The following CACNB4 variants were observed in gnomAD, a reference collection of about 807,000 sequenced individuals.
CACNB4 encodes the protein calcium voltage-gated channel auxiliary subunit beta 4.
A neutral mutation model predicts 71.2 loss-of-function variants in CACNB4; 32 were observed. That is an observed-to-expected ratio of 0.45 (90% CI 0.34 to 0.60). The LOEUF is 0.60. Ranked by LOEUF, CACNB4 falls within the 20% of genes least tolerant of loss-of-function variation. The probability of loss-of-function intolerance (pLI) is 0.01; values close to 1 mark genes in which losing one functional copy is unlikely to be tolerated. For missense variants in CACNB4, 464 were observed against 647.9 expected, an observed-to-expected ratio of 0.72 and a Z score of 3.08; for synonymous variants, 231 against 236.9, an observed-to-expected ratio of 0.97 and a Z score of 0.23.
intron 12 of CACNB4, chr2:151,851,442 T>C (rs572572357): frequency 1.3e-5 from 2 of 152,356 alleles, no homozygotes; most frequent in African/African-American, 4.8e-5. Flanking sequence ...CCTACTGAGA[T>C]AATGGTAAGG....
intron 2 of CACNB4, among the ~76,000 whole-genome samples, chr2:151,961,668 A>T (rs951236553): frequency 6.6e-6 from 1 of 152,098 alleles, no homozygotes; most frequent in Non-Finnish European, 1.5e-5. Context: ...AGGCAGGAGG[A>T]CTGCTTGAGC....
At chr2:151,950,317 G>GTT (rs2099866616) in intron 2 of CACNB4, among the ~76,000 whole-genome samples, 1 of 152,192 alleles carries the variant, frequency 6.6e-6, no homozygotes, top group African/African-American at 2.4e-5. Flanking sequence ...TATAGAGACA[G>GTT]TCATATGTCC....
intron 2 of CACNB4, among the ~76,000 whole-genome samples, chr2:152,085,463 A>C (rs1687605426): frequency 1.3e-5 from 2 of 152,312 alleles, no homozygotes; most frequent in South Asian, 4.1e-4. Context: ...AACTTCAGAC[A>C]GTGGAGGAAA....
At chr2:151,931,847 G>A (rs752599317) in intron 2 of CACNB4, among the ~76,000 whole-genome samples, 2 of 152,146 alleles carry the variant, frequency 1.3e-5, no homozygotes, top group African/African-American at 2.4e-5. Context: ...ATTTCCATTA[G>A]TAAGTTAACG....
At chr2:151,971,672 C>A in intron 2 of CACNB4, 1 of 699,808 alleles carries the variant, frequency 1.4e-6, no homozygotes, top group South Asian at 1.5e-5. Context: ...GCTCTGTTCA[C>A]ACCATCTTGG....
chr2:151,881,148 T>C (rs140470121), intron 3 of CACNB4, among the ~76,000 whole-genome samples: 248 of 152,334 alleles, frequency 1.6e-3, no homozygotes, highest in African/African-American at 5.7e-3. Context: ...TTTCCAATAT[T>C]CCAAATTTTA....
chr2:151,923,517 G>A (rs1009686829), intron 2 of CACNB4, among the ~76,000 whole-genome samples: 1 of 152,222 alleles, frequency 6.6e-6, no homozygotes, highest in Non-Finnish European at 1.5e-5. Flanking sequence ...TGCTGTTATA[G>A]AAACTAGGTG....
rs79463660 is a variant in CACNB4 at position 151,894,627 on chromosome 2, T to C, written c.148-11257A>G. Among the ~76,000 whole-genome samples the C allele has an allele frequency of 1.3e-3, 199 of 152,268 alleles. 3 individuals are homozygous for C. The East Asian group carries it at 0.037, about 28-fold the overall frequency. On this transcript the variant is annotated intron_variant, in intron 2 of 13. Transcript: ENST00000539935. Reference sequence around the variant, plus strand: ...AATCAGAAAGTCAAACTGTCCCTCTTTACAGACGACATGATCTTAAATATA... The same window carrying C: ...AATCAGAAAGTCAAACTGTCCCTCTCTACAGACGACATGATCTTAAATATA...
At chr2:151,966,227 G>T (rs2099871062) in intron 2 of CACNB4, among the ~76,000 whole-genome samples, 1 of 152,020 alleles carries the variant, frequency 6.6e-6, no homozygotes, top group African/African-American at 2.4e-5. Flanking sequence ...GTTAAGAAGT[G>T]GCAAAGACCA....
intron 2 of CACNB4, among the ~76,000 whole-genome samples, chr2:152,047,605 C>G (rs1478588427): frequency 6.6e-6 from 1 of 152,148 alleles, no homozygotes; most frequent in African/African-American, 2.4e-5. Context: ...TAAAACCCCT[C>G]AGTTGTAGCC....
At chr2:151,909,560 C>T (rs1230549976) in intron 2 of CACNB4, among the ~76,000 whole-genome samples, 2 of 151,854 alleles carry the variant, frequency 1.3e-5, no homozygotes, top group Admixed American at 6.6e-5. Context: ...CCTCTAAGAT[C>T]CCTCCCCTCA....
In CACNB4 at chr2:151,984,217, C is replaced by T. The variant is rs79957661; in HGVS notation, c.148-100847G>A. On this transcript the variant is annotated intron_variant, in intron 2 of 13. Coordinates refer to ENST00000539935, the MANE Select transcript of CACNB4 (RefSeq NM_000726.5). ...ATGCTTTGGAAATGTTGACATGCAACGAAAGAGATACTAACAAACACAAAC... is the reference window on the plus strand; with the variant it reads ...ATGCTTTGGAAATGTTGACATGCAATGAAAGAGATACTAACAAACACAAAC... 3.2e-3 allele frequency among the ~76,000 whole-genome samples: 492 copies of T among 152,144 alleles called. 19 individuals are homozygous for T. In the East Asian group the frequency reaches 0.071, roughly 22 times the overall value.
intron 2 of CACNB4, among the ~76,000 whole-genome samples, chr2:152,018,728 C>CG (rs1560136225): frequency 6.6e-6 from 1 of 151,508 alleles, no homozygotes; most frequent in African/African-American, 2.4e-5. Flanking sequence ...ACTTTGAGCC[C>CG]GGGAGAGCCA....
intron 13 of CACNB4, among the ~76,000 whole-genome samples, chr2:151,840,316 G>A (rs2099835844): frequency 6.6e-6 from 1 of 152,128 alleles, no homozygotes; most frequent in Non-Finnish European, 1.5e-5. Flanking sequence ...ATTGTTACTG[G>A]GAGAAGAAAT....
intron 12 of CACNB4, among the ~76,000 whole-genome samples, chr2:151,843,509 T>A (rs2099836768): frequency 6.6e-6 from 1 of 151,858 alleles, no homozygotes; most frequent in African/African-American, 2.4e-5. Context: ...AGAGATGAGA[T>A]CTCACCATGT....
chr2:151,987,272 G>T (rs115581485), intron 2 of CACNB4, among the ~76,000 whole-genome samples: 3,113 of 152,236 alleles, frequency 0.02, 104 homozygotes, highest in African/African-American at 0.07. Flanking sequence ...ACTTCAAAAC[G>T]TAAGTCTTAA....
chr2:152,044,828 A>G (rs754906732), intron 2 of CACNB4, among the ~76,000 whole-genome samples: 1 of 152,182 alleles, frequency 6.6e-6, no homozygotes. Context: ...CTCGTCTCCA[A>G]TAAGAGACCA....
intron 2 of CACNB4, among the ~76,000 whole-genome samples, chr2:152,038,939 G>A (rs35078059): frequency 0.056 from 8,485 of 152,238 alleles, 343 homozygotes; most frequent in African/African-American, 0.11. Context: ...TGGCCCATTG[G>A]CTAGAGCTCT....
At chr2:152,043,260 T>C (rs980433341) in intron 2 of CACNB4, among the ~76,000 whole-genome samples, 2 of 152,218 alleles carry the variant, frequency 1.3e-5, no homozygotes, top group Admixed American at 1.3e-4. Context: ...TGCTTTCACT[T>C]TATGGATTTG....
Sources: gnomAD v4.1 joint callset for allele counts (sites outside exome capture counted in the v4.1 genomes callset) on GRCh38, gnomAD v4.1.1 for gene constraint, MANE v1.5 for transcripts, NCBI Gene and HGNC (gene_info 2026-07-23, HGNC 2026-07-21) for gene names.